Variants in FGF12 observed in about 807,000 individuals in gnomAD.
The protein encoded by FGF12 is fibroblast growth factor 12.
A neutral mutation model predicts 23.6 loss-of-function variants in FGF12; 14 were observed. The ratio of observed to expected loss-of-function variants is 0.59; its 90% confidence interval spans 0.39 to 0.93. FGF12 has a LOEUF of 0.93. Among genes scored for constraint, FGF12 ranks in the 40% least tolerant of loss-of-function variants. The pLI is 0.00. For missense variants in FGF12, 175 were observed against 217.8 expected, an observed-to-expected ratio of 0.80 and a Z score of 1.24; for synonymous variants, 62 against 77.3, an observed-to-expected ratio of 0.80 and a Z score of 1.04.
At chr3:192,284,481 C>T (rs942404480) in intron 4 of FGF12, among the ~76,000 whole-genome samples, 3 of 151,982 alleles carry the variant, frequency 2.0e-5, no homozygotes, top group African/African-American at 7.2e-5. Context: ...AATTTGGCTT[C>T]CCAATGATAT....
At chr3:192,396,104 C>T (rs1720508247) in intron 2 of FGF12, among the ~76,000 whole-genome samples, 1 of 152,122 alleles carries the variant, frequency 6.6e-6, no homozygotes, top group Admixed American at 6.5e-5. Flanking sequence ...TTTTAAAAGA[C>T]AGATTGTGGC....
At chr3:192,622,335 G>C (rs151237887) in intron 2 of FGF12, among the ~76,000 whole-genome samples, 1 of 152,276 alleles carries the variant, frequency 6.6e-6, no homozygotes, top group Non-Finnish European at 1.5e-5. Context: ...GAGACAGTAG[G>C]TAAGTCATTG....
chr3:192,444,144 T>C (rs1265181972), intron 2 of FGF12, among the ~76,000 whole-genome samples: 1 of 152,202 alleles, frequency 6.6e-6, no homozygotes, highest in Non-Finnish European at 1.5e-5. Context: ...TCTGGCCGCC[T>C]TGAGTTCCGT....
intron 2 of FGF12, among the ~76,000 whole-genome samples, chr3:192,687,051 C>A (rs188654794): frequency 6.6e-5 from 10 of 150,912 alleles, no homozygotes; most frequent in East Asian, 2.0e-4. Context: ...GGATGGTCTC[C>A]ATCTCCTGAC....
At chr3:192,715,409 ATCT>A (rs1718836588) in intron 2 of FGF12, among the ~76,000 whole-genome samples, 1 of 152,174 alleles carries the variant, frequency 6.6e-6, no homozygotes, top group Non-Finnish European at 1.5e-5. Context: ...CAATCCATTA[ATCT>A]TCTCCTGGCT....
At chr3:192,259,389 T>C (rs75183827) in intron 4 of FGF12, among the ~76,000 whole-genome samples, 2,886 of 152,240 alleles carry the variant, frequency 0.019, 73 homozygotes, top group African/African-American at 0.055. Context: ...AACAACTTTC[T>C]ATACGTAAAA....
At chr3:192,687,960 G>A (rs1717815519) in intron 2 of FGF12, among the ~76,000 whole-genome samples, 1 of 151,888 alleles carries the variant, frequency 6.6e-6, no homozygotes, top group Non-Finnish European at 1.5e-5. Flanking sequence ...GACCTTGGCT[G>A]CCACACACAT....
At chr3:192,617,943 G>A (rs746219147) in intron 2 of FGF12, among the ~76,000 whole-genome samples, 3 of 151,992 alleles carry the variant, frequency 2.0e-5, no homozygotes, top group Non-Finnish European at 4.4e-5. Flanking sequence ...GGTATTTTAA[G>A]AACATATATA....
intron 2 of FGF12, among the ~76,000 whole-genome samples, chr3:192,395,653 C>T (rs1576945734): frequency 6.6e-6 from 1 of 152,196 alleles, no homozygotes; most frequent in Non-Finnish European, 1.5e-5. Context: ...CAGAGACAAA[C>T]AGGTACTTAT....
At chr3:192,600,122 CA>C (rs1187344122) in intron 2 of FGF12, among the ~76,000 whole-genome samples, 1 of 152,054 alleles carries the variant, frequency 6.6e-6, no homozygotes, top group Admixed American at 6.6e-5. Flanking sequence ...CCTGTTTTCC[CA>C]GCACTAATTA....
intron 2 of FGF12, among the ~76,000 whole-genome samples, chr3:192,606,242 T>C (rs1487593112): frequency 1.3e-5 from 2 of 152,216 alleles, no homozygotes; most frequent in East Asian, 1.9e-4. Flanking sequence ...CAGCTGGAGA[T>C]CATTATCCTA....
At chr3:192,376,164 C>T (rs1279430448) in intron 2 of FGF12, among the ~76,000 whole-genome samples, 1 of 151,748 alleles carries the variant, frequency 6.6e-6, no homozygotes, top group Non-Finnish European at 1.5e-5. Flanking sequence ...TATATATTTC[C>T]TATCTCTTAA....
intron 4 of FGF12, among the ~76,000 whole-genome samples, chr3:192,318,398 T>A (rs1716341255): frequency 6.6e-6 from 1 of 152,098 alleles, no homozygotes; most frequent in Admixed American, 6.5e-5. Context: ...TTTAGAAGAA[T>A]CAAGGATAAG....
intron 4 of FGF12, among the ~76,000 whole-genome samples, chr3:192,297,955 G>T (rs1029622811): frequency 1.3e-5 from 2 of 152,114 alleles, no homozygotes; most frequent in Admixed American, 1.3e-4. Flanking sequence ...CTCAAAAATG[G>T]TAGAATGTCT....
At chr3:192,301,951 T>G (rs1264240117) in intron 4 of FGF12, among the ~76,000 whole-genome samples, 1 of 152,156 alleles carries the variant, frequency 6.6e-6, no homozygotes, top group Non-Finnish European at 1.5e-5. Context: ...CAGAGCCATC[T>G]TTTCTCTCTT....
intron 2 of FGF12, among the ~76,000 whole-genome samples, chr3:192,441,358 T>A (rs1722196572): frequency 6.6e-6 from 1 of 152,142 alleles, no homozygotes; most frequent in Non-Finnish European, 1.5e-5. Context: ...AGAAAAAGTA[T>A]TAGTTAGGTA....
rs1724613045 is a variant in FGF12, at chr3:192,514,873, G to A, written c.14-154335C>T. 3 of 985,404 alleles carry A rather than the reference G, an allele frequency of 3.0e-6. No homozygotes were observed. Among genetic ancestry groups the A allele is most frequent in the South Asian group, 4.7e-5 (1 of 21,286 alleles). The allele number at this position is 985,404 out of a possible 1,614,324, so 61.0% of individuals were successfully genotyped here. On this transcript the variant is annotated intron_variant, in intron 2 of 5. Coordinates refer to ENST00000445105, the MANE Select transcript of FGF12 (RefSeq NM_004113.6). The surrounding 1 kb of genome is among the most constrained non-coding windows in gnomAD (Gnocchi z 4.9). ...CGAGTCCATCGCGCGCGCCCAGGTG[G>A]AGGGGAGTTTGCACATGGAGCCGGA...
chr3:192,512,848 ATATATATATAT>A lies in FGF12; in HGVS notation c.14-152321_14-152311del, dbSNP rs1724527266. 1.6e-5 allele frequency among the ~76,000 whole-genome samples: 2 copies of A among 126,798 alleles called. 1 individual carries two copies. Among genetic ancestry groups the A allele is most frequent in the Non-Finnish European group, 3.4e-5 (2 of 59,022 alleles). 83.2% of individuals were successfully genotyped at this position (126,798 alleles called of 152,430 possible). On this transcript the variant is annotated intron_variant, in intron 2 of 5. Transcript: ENST00000445105. The stretch of plus-strand genomic sequence containing the variant: ...TATACTCAAATAAATATATATATAT[ATATATATATAT>A]AACAGGCTATGTCTATCATTTCCAC...
intron 4 of FGF12, among the ~76,000 whole-genome samples, chr3:192,319,821 A>G (rs1348635303): frequency 6.6e-6 from 1 of 152,110 alleles, no homozygotes; most frequent in East Asian, 1.9e-4. Context: ...TCTCACGGTA[A>G]CCTCAAGACA....
Sources: gnomAD v4.1 joint callset for allele counts (sites outside exome capture counted in the v4.1 genomes callset) on GRCh38, gnomAD v4.1.1 for gene constraint, Gnocchi (gnomAD v3.1) non-coding constraint, MANE v1.5 for transcripts, NCBI Gene and HGNC (gene_info 2026-07-23, HGNC 2026-07-21) for gene names.